Variants in PRKG1 observed in about 807,000 individuals in gnomAD.
The protein encoded by PRKG1 is cGMP-dependent protein kinase 1.
In PRKG1, 35 loss-of-function variants were observed where a neutral mutation model predicts 88.1. That is an observed-to-expected ratio of 0.40 (90% CI 0.30 to 0.53). PRKG1 has a LOEUF of 0.53. PRKG1 is among the 20% of genes least tolerant of loss of function. PRKG1 has a pLI of 0.59. For missense variants in PRKG1, 540 were observed against 839.8 expected, an observed-to-expected ratio of 0.64 and a Z score of 4.41; for synonymous variants, 303 against 292.5, an observed-to-expected ratio of 1.04 and a Z score of -0.37.
At chr10:51,792,393 C>T (rs73347269) in intron 3 of PRKG1, among the ~76,000 whole-genome samples, 269 of 152,068 alleles carry the variant, frequency 1.8e-3, no homozygotes, top group African/African-American at 5.6e-3. Context: ...TTTTAGATGA[C>T]GTAAGTTTTA....
At chr10:51,158,142 T>A (rs1589204509) in intron 2 of PRKG1, among the ~76,000 whole-genome samples, 1 of 152,056 alleles carries the variant, frequency 6.6e-6, no homozygotes, top group East Asian at 1.9e-4. Flanking sequence ...TTGTTAATGA[T>A]AATAACTTTT....
chr10:51,857,395 T>C (rs1475874516), intron 4 of PRKG1, among the ~76,000 whole-genome samples: 1 of 152,228 alleles, frequency 6.6e-6, no homozygotes, highest in Non-Finnish European at 1.5e-5. Context: ...AAATCTGTTA[T>C]ATCTTGTGAT....
At chr10:52,112,714 C>A (rs1477174661) in intron 7 of PRKG1, among the ~76,000 whole-genome samples, 3 of 152,094 alleles carry the variant, frequency 2.0e-5, no homozygotes, top group African/African-American at 7.2e-5. Context: ...TATCCCTAAA[C>A]AGAATTTGAT....
intron 7 of PRKG1, chr10:52,128,560 A>G (rs1589631492): frequency 1.0e-6 from 1 of 985,372 alleles, no homozygotes; most frequent in Non-Finnish European, 1.2e-6. Flanking sequence ...ACGGAAACCT[A>G]TATTTGCAAA....
intron 1 of PRKG1, among the ~76,000 whole-genome samples, chr10:51,013,304 C>A (rs372345638): frequency 6.6e-6 from 1 of 152,170 alleles, no homozygotes; most frequent in Non-Finnish European, 1.5e-5. Flanking sequence ...ATCACTGCTG[C>A]TGCTACTATT....
intron 3 of PRKG1, among the ~76,000 whole-genome samples, chr10:51,611,522 G>C (rs906304470): frequency 2.0e-5 from 3 of 151,220 alleles, no homozygotes; most frequent in African/African-American, 7.3e-5. Context: ...GTGTATTCTG[G>C]ATATTAGCCC....
chr10:51,216,139 G>A (rs1838365179), intron 2 of PRKG1, among the ~76,000 whole-genome samples: 1 of 152,300 alleles, frequency 6.6e-6, no homozygotes, highest in East Asian at 1.9e-4. Context: ...TTGAATATTT[G>A]TGGGATGAAT....
Position 51,286,960 on chromosome 10 carries a change from T to C in PRKG1, c.478+133630T>C, listed in dbSNP as rs1439953005. On this transcript the variant is annotated intron_variant, in intron 2 of 17. Coordinates refer to ENST00000373980, the MANE Select transcript of PRKG1 (RefSeq NM_006258.4). ...GGCATAATCATGACTCACTGGAGCCTTGACTTTTCGGGTTTAAAGTGATCC... is the reference window on the plus strand; with the variant it reads ...GGCATAATCATGACTCACTGGAGCCCTGACTTTTCGGGTTTAAAGTGATCC... Among the ~76,000 whole-genome samples, 4 of 152,120 alleles carry C rather than the reference T, an allele frequency of 2.6e-5. No individual in the cohort carries two copies. The East Asian group carries it at 5.8e-4, about 22-fold the overall frequency.
intron 3 of PRKG1, among the ~76,000 whole-genome samples, chr10:51,532,706 A>G (rs748648283): frequency 1.3e-5 from 2 of 152,200 alleles, no homozygotes; most frequent in African/African-American, 2.4e-5. Context: ...TGTGGTTGCT[A>G]TAACCACATA....
At chr10:51,818,574 A>G (rs1839653488) in intron 4 of PRKG1, among the ~76,000 whole-genome samples, 1 of 152,198 alleles carries the variant, frequency 6.6e-6, no homozygotes, top group African/African-American at 2.4e-5. Flanking sequence ...CAATCTGATT[A>G]TACTACACTA....
intron 4 of PRKG1, among the ~76,000 whole-genome samples, chr10:51,873,277 A>T (rs1196962632): frequency 6.6e-6 from 1 of 152,010 alleles, no homozygotes; most frequent in Non-Finnish European, 1.5e-5. Flanking sequence ...TATGGGATTC[A>T]TGGGATTAAT....
At chr10:52,231,938 A>C (rs12359152) in intron 9 of PRKG1, among the ~76,000 whole-genome samples, 56 of 152,230 alleles carry the variant, frequency 3.7e-4, no homozygotes, top group Non-Finnish European at 6.5e-4. Context: ...TTTAGGGGGA[A>C]AAAAGTTAAC....
chr10:51,691,271 G>A (rs999278344), intron 3 of PRKG1, among the ~76,000 whole-genome samples: 1 of 148,568 alleles, frequency 6.7e-6, no homozygotes, highest in Non-Finnish European at 1.5e-5. Flanking sequence ...AGAAATACAT[G>A]TGCCGAACCA....
Position 51,958,938 on chromosome 10 carries a change from G to A in PRKG1, c.762+51368G>A, listed in dbSNP as rs139942350. Among the ~76,000 whole-genome samples, 905 of 152,232 alleles carry A rather than the reference G, an allele frequency of 5.9e-3. 6 individuals are homozygous for A. Among genetic ancestry groups the A allele is most frequent in the Non-Finnish European group, 9.6e-3 (656 of 68,004 alleles). ...TGTTAAAACCTAAATGGTGAGTGAT[G>A]TGGATTACCTGTGCCAAATACTGTA... On this transcript the variant is annotated intron_variant, in intron 5 of 17. Coordinates refer to ENST00000373980, the MANE Select transcript of PRKG1 (RefSeq NM_006258.4).
intron 1 of PRKG1, among the ~76,000 whole-genome samples, chr10:51,010,523 T>C (rs1454326626): frequency 6.6e-5 from 10 of 152,222 alleles, no homozygotes; most frequent in Admixed American, 6.5e-4. Context: ...TATATATATA[T>C]GTGGTATCCT....
intron 7 of PRKG1, among the ~76,000 whole-genome samples, chr10:52,120,621 G>A (rs1847797961): frequency 6.6e-6 from 1 of 152,158 alleles, no homozygotes; most frequent in African/African-American, 2.4e-5. Flanking sequence ...AAAACCCAGT[G>A]GGGCAAACAA....
intron 9 of PRKG1, among the ~76,000 whole-genome samples, chr10:52,186,574 G>T (rs1428363323): frequency 2.6e-5 from 4 of 152,060 alleles, no homozygotes; most frequent in African/African-American, 9.7e-5. Context: ...ATCATTGGAT[G>T]AGGTTATTCT....
intron 3 of PRKG1, among the ~76,000 whole-genome samples, chr10:51,499,438 T>C (rs1189804529): frequency 6.6e-6 from 1 of 152,206 alleles, no homozygotes; most frequent in Non-Finnish European, 1.5e-5. Context: ...ATTTTGCACA[T>C]TATAATTGAG....
intron 3 of PRKG1, among the ~76,000 whole-genome samples, chr10:51,602,232 G>T (rs919849144): frequency 1.7e-4 from 26 of 152,224 alleles, no homozygotes; most frequent in African/African-American, 5.3e-4. Flanking sequence ...CATGTCATTT[G>T]TGTCTAAACT....
Sources: gnomAD v4.1 joint callset for allele counts (sites outside exome capture counted in the v4.1 genomes callset) on GRCh38, gnomAD v4.1.1 for gene constraint, MANE v1.5 for transcripts, NCBI Gene and HGNC (gene_info 2026-07-23, HGNC 2026-07-21) for gene names.